ROBO2: variants seen among roughly 807,000 people sequenced by gnomAD.
The protein encoded by ROBO2 is roundabout guidance receptor 2.
ROBO2 carries 53 observed loss-of-function variants against 160.8 expected under a neutral mutation model. The ratio of observed to expected loss-of-function variants is 0.33; its 90% CI spans 0.26 to 0.41. The LOEUF is 0.41. Ranked by LOEUF, ROBO2 falls within the 10% of genes least tolerant of loss-of-function variation. ROBO2 has a pLI of 1.00. For missense variants in ROBO2, 1,577 were observed against 1,722.4 expected, an observed-to-expected ratio of 0.92 and a Z score of 1.49; for synonymous variants, 664 against 611.7, an observed-to-expected ratio of 1.09 and a Z score of -1.26.
At chr3:76,894,564 G>A (rs1419435985) in intron 2 of ROBO2, among the ~76,000 whole-genome samples, 1 of 152,024 alleles carries the variant, frequency 6.6e-6, no homozygotes, top group Non-Finnish European at 1.5e-5. Flanking sequence ...GCTTGTCATT[G>A]GTAGTATTGC....
chr3:76,021,906 G>T (rs963002440), intron 2 of ROBO2, among the ~76,000 whole-genome samples: 2 of 149,502 alleles, frequency 1.3e-5, no homozygotes, highest in African/African-American at 2.5e-5. Flanking sequence ...TTTTCCTTTC[G>T]TGAAAGATTT....
At chr3:76,030,782 G>A (rs965920186) in intron 2 of ROBO2, among the ~76,000 whole-genome samples, 1 of 152,176 alleles carries the variant, frequency 6.6e-6, no homozygotes, top group Non-Finnish European at 1.5e-5. Context: ...TTATAGTATA[G>A]TTTGAAGTCA....
At chr3:76,295,907 A>G (rs563695040) in intron 2 of ROBO2, among the ~76,000 whole-genome samples, 2 of 152,302 alleles carry the variant, frequency 1.3e-5, no homozygotes, top group African/African-American at 4.8e-5. Flanking sequence ...AGAAGCTAGT[A>G]TAATACTGCA....
chr3:77,299,232 C>G (rs932184730), intron 2 of ROBO2, among the ~76,000 whole-genome samples: 6 of 152,018 alleles, frequency 3.9e-5, no homozygotes, highest in Non-Finnish European at 8.8e-5. Context: ...TTTAAACTGA[C>G]ATTTAAATTG....
At chr3:77,416,112 G>A (rs2077194819) in intron 2 of ROBO2, among the ~76,000 whole-genome samples, 1 of 152,292 alleles carries the variant, frequency 6.6e-6, no homozygotes, top group South Asian at 2.1e-4. Flanking sequence ...ATTTTATTGA[G>A]TGAGAGTAAA....
chr3:76,500,993 G>A (rs991497244), intron 2 of ROBO2, among the ~76,000 whole-genome samples: 1 of 152,094 alleles, frequency 6.6e-6, no homozygotes, highest in African/African-American at 2.4e-5. Flanking sequence ...GACACTGTAG[G>A]GAGGGCTAGG....
intron 2 of ROBO2, among the ~76,000 whole-genome samples, chr3:76,185,069 CAAGTT>C (rs1701680397): frequency 6.6e-6 from 1 of 151,234 alleles, no homozygotes; most frequent in Non-Finnish European, 1.5e-5. Flanking sequence ...TTCATCCAGT[CAAGTT>C]GACACCTATA....
At chr3:77,095,854 A>G (rs1050358519) in intron 1 of ROBO2, among the ~76,000 whole-genome samples, 1 of 151,600 alleles carries the variant, frequency 6.6e-6, no homozygotes, top group African/African-American at 2.4e-5. Context: ...CTCATGATCT[A>G]TATCCTTTAT....
chr3:77,295,153 G>A lies in ROBO2; in HGVS notation c.389-182261G>A, dbSNP rs548856786. Among the ~76,000 whole-genome samples, 98 of 150,564 alleles carry A rather than the reference G, an allele frequency of 6.5e-4. 3 individuals are homozygous for A. Among genetic ancestry groups the A allele is most frequent in the African/African-American group, 2.2e-3 (88 of 40,466 alleles). Reference sequence around the variant, plus strand: ...ACCCCAGATATAAAGTAAAATTGACGGTTAAACGGGTAAGCTGAGGCTAGA... The same window carrying A: ...ACCCCAGATATAAAGTAAAATTGACAGTTAAACGGGTAAGCTGAGGCTAGA... On this transcript the variant is annotated intron_variant, in intron 2 of 25. Transcript: ENST00000461745.
chr3:77,536,051 T>C (rs2092076205), intron 6 of ROBO2, among the ~76,000 whole-genome samples: 1 of 152,294 alleles, frequency 6.6e-6, no homozygotes, highest in East Asian at 1.9e-4. Context: ...CTAAACCCAG[T>C]AAAGACCATT....
chr3:76,330,287 G>T, intron 2 of ROBO2, among the ~76,000 whole-genome samples: 1 of 152,146 alleles, frequency 6.6e-6, no homozygotes, highest in Non-Finnish European at 1.5e-5. Context: ...GTGGCAGAAG[G>T]ATTAAATGGT....
intron 2 of ROBO2, among the ~76,000 whole-genome samples, chr3:77,184,398 A>G (rs554326044): frequency 6.6e-6 from 1 of 152,154 alleles, no homozygotes; most frequent in Admixed American, 6.6e-5. Flanking sequence ...TTACATTATG[A>G]TAAAGGGAAT....
intron 2 of ROBO2, among the ~76,000 whole-genome samples, chr3:77,262,848 C>T (rs2058864705): frequency 1.3e-5 from 2 of 151,996 alleles, no homozygotes. Context: ...GGTTGGATGG[C>T]GATGATGGTG....
At chr3:77,119,016 G>C (rs1418735348) in intron 2 of ROBO2, among the ~76,000 whole-genome samples, 2 of 152,122 alleles carry the variant, frequency 1.3e-5, no homozygotes, top group African/African-American at 4.8e-5. Flanking sequence ...TGGATCATGG[G>C]TGAGGGTTCC....
chr3:76,065,603 G>A (rs1014069105), intron 2 of ROBO2, among the ~76,000 whole-genome samples: 1 of 151,554 alleles, frequency 6.6e-6, no homozygotes, highest in Admixed American at 6.6e-5. Context: ...TCCTCCAAAG[G>A]GGTATATTTT....
intron 2 of ROBO2, among the ~76,000 whole-genome samples, chr3:77,281,787 G>A (rs1425468418): frequency 2.0e-5 from 3 of 152,080 alleles, no homozygotes; most frequent in Non-Finnish European, 2.9e-5. Context: ...GTTTCACCTC[G>A]GTCATCAGGT....
chr3:76,754,022 C>A (rs937371474), intron 2 of ROBO2, among the ~76,000 whole-genome samples: 1 of 151,710 alleles, frequency 6.6e-6, no homozygotes, highest in Non-Finnish European at 1.5e-5. Flanking sequence ...TGCTACTAAT[C>A]TTTGTAAAAT....
chr3:77,361,070 A>G (rs1032486211), intron 2 of ROBO2, among the ~76,000 whole-genome samples: 4 of 152,154 alleles, frequency 2.6e-5, no homozygotes, highest in Admixed American at 6.6e-5. Flanking sequence ...AATTTTATCA[A>G]TGTTTATGCT....
At chr3:77,351,353 C>T (rs754577966) in intron 2 of ROBO2, among the ~76,000 whole-genome samples, 1 of 152,146 alleles carries the variant, frequency 6.6e-6, no homozygotes, top group Non-Finnish European at 1.5e-5. Flanking sequence ...AGATATCACT[C>T]AGTTACCACA....
Sources: gnomAD v4.1 joint callset for allele counts (sites outside exome capture counted in the v4.1 genomes callset) on GRCh38, gnomAD v4.1.1 for gene constraint, MANE v1.5 for transcripts, NCBI Gene and HGNC (gene_info 2026-07-23, HGNC 2026-07-21) for gene names.